The following KCNQ5 variants were observed in gnomAD, a reference collection of about 807,000 sequenced individuals.
KCNQ5 encodes potassium voltage-gated channel subfamily Q member 5.
In KCNQ5, 30 loss-of-function variants were observed where a neutral mutation model predicts 98.2. That is an observed-to-expected ratio of 0.31 (90% CI 0.23 to 0.41). The LOEUF (loss-of-function observed/expected upper bound fraction) is 0.41, where lower values mean the gene tolerates loss of function less well. Ranked by LOEUF, KCNQ5 falls within the 10% of genes least tolerant of loss-of-function variation. The pLI, the probability that KCNQ5 is intolerant of heterozygous loss-of-function variation, is 1.00. For missense variants in KCNQ5, 835 were observed against 1,182.5 expected, an observed-to-expected ratio of 0.71 and a Z score of 4.31; for synonymous variants, 458 against 449.4, an observed-to-expected ratio of 1.02 and a Z score of -0.24.
intron 1 of KCNQ5, among the ~76,000 whole-genome samples, chr6:72,844,096 G>A (rs1016527100): frequency 2.0e-5 from 3 of 152,068 alleles, no homozygotes; most frequent in Non-Finnish European, 2.9e-5. Flanking sequence ...CACGGCACAC[G>A]TATACCTATG....
chr6:73,140,268 G>T (rs1776649623), intron 10 of KCNQ5, among the ~76,000 whole-genome samples: 1 of 152,040 alleles, frequency 6.6e-6, no homozygotes. Context: ...TTTTCCAATG[G>T]CATCTTCCTC....
At chr6:73,163,471 G>A (rs946408658) in intron 10 of KCNQ5, among the ~76,000 whole-genome samples, 1 of 152,102 alleles carries the variant, frequency 6.6e-6, no homozygotes, top group Non-Finnish European at 1.5e-5. Flanking sequence ...AATAGGCCAG[G>A]CATGGTGGCT....
intron 1 of KCNQ5, among the ~76,000 whole-genome samples, chr6:72,720,263 A>G (rs184054414): frequency 1.3e-5 from 2 of 152,362 alleles, no homozygotes; most frequent in East Asian, 1.9e-4. Context: ...TTAACCTGCC[A>G]TGGAATGGAT....
At chr6:72,895,441 A>T (rs1779212441) in intron 1 of KCNQ5, among the ~76,000 whole-genome samples, 1 of 151,950 alleles carries the variant, frequency 6.6e-6, no homozygotes, top group African/African-American at 2.4e-5. Context: ...AAAACATGCC[A>T]TGGAGAACAC....
intron 9 of KCNQ5, among the ~76,000 whole-genome samples, chr6:73,128,274 C>A (rs1288649774): frequency 6.6e-6 from 1 of 152,196 alleles, no homozygotes; most frequent in Non-Finnish European, 1.5e-5. Context: ...TCACTCATTT[C>A]TTTTCCTCTG....
chr6:72,734,173 A>C (rs905811626), intron 1 of KCNQ5, among the ~76,000 whole-genome samples: 3 of 152,254 alleles, frequency 2.0e-5, no homozygotes. Flanking sequence ...TGTAACTTTG[A>C]TTGCAGAGGA....
chr6:72,694,905 C>T (rs1360552083), intron 1 of KCNQ5, among the ~76,000 whole-genome samples: 1 of 151,754 alleles, frequency 6.6e-6, no homozygotes, highest in African/African-American at 2.4e-5. Flanking sequence ...TCTTTATGGC[C>T]ATCAGTACCC....
rs1026407821 is a variant in KCNQ5 at position 72,852,640 on chromosome 6, A to AATAAATATATAT, written c.399-151265_399-151264insAATATATATATA. Reference sequence around the variant, plus strand: ...AGTGGAGAGAAGGAGATGAAGGGGAAATATATATATATATATATATAAATG... The same window carrying AATAAATATATAT: ...AGTGGAGAGAAGGAGATGAAGGGGAAATAAATATATATATATATATATATATATATATAAATG... On this transcript the variant is annotated intron_variant, in intron 1 of 13. Transcript: ENST00000370398. 5.3e-5 allele frequency among the ~76,000 whole-genome samples: 3 copies of AATAAATATATAT among 56,802 alleles called. 1 individual carries two copies. Among genetic ancestry groups the AATAAATATATAT allele is most frequent in the African/African-American group, 2.7e-4 (3 of 11,274 alleles). The allele number at this position is 56,802 out of a possible 152,430, so 37.3% of individuals were successfully genotyped here. A position where few individuals can be genotyped will look rare whatever the true frequency, so the allele number is the denominator to read the frequency against.
At chr6:73,150,832 ATGTG>A (rs35693535) in intron 10 of KCNQ5, among the ~76,000 whole-genome samples, 2 of 148,112 alleles carry the variant, frequency 1.4e-5, no homozygotes, top group Non-Finnish European at 3.0e-5. Flanking sequence ...ATATATATAT[ATGTG>A]TGTGTGTGTG....
chr6:72,649,228 C>T (rs529362172), intron 1 of KCNQ5, among the ~76,000 whole-genome samples: 1 of 152,206 alleles, frequency 6.6e-6, no homozygotes, highest in Non-Finnish European at 1.5e-5. Context: ...AGGTTCTAAA[C>T]AGTTTTGGAT....
chr6:72,924,655 T>C (rs1456258601), intron 1 of KCNQ5, among the ~76,000 whole-genome samples: 1 of 152,158 alleles, frequency 6.6e-6, no homozygotes, highest in Non-Finnish European at 1.5e-5. Context: ...GCAGTATTCT[T>C]CTCTCTCACC....
chr6:73,165,875 G>A (rs1339418486), intron 10 of KCNQ5, among the ~76,000 whole-genome samples: 1 of 151,918 alleles, frequency 6.6e-6, no homozygotes, highest in African/African-American at 2.4e-5. Flanking sequence ...AACCCGGGAG[G>A]CGGAGGTTGC....
In KCNQ5 at chr6:72,976,155, A is replaced by G. The variant is rs534458758; in HGVS notation, c.399-27753A>G. Reference sequence around the variant, plus strand: ...TCTTACTTTAGTTCCCAATAATCATACTTAAATAAATGTACTCCAGAGTTT... The same window carrying G: ...TCTTACTTTAGTTCCCAATAATCATGCTTAAATAAATGTACTCCAGAGTTT... On this transcript the variant is annotated intron_variant, in intron 1 of 13. Transcript: ENST00000370398. Among the ~76,000 whole-genome samples, 14 of 152,304 alleles carry G rather than the reference A, an allele frequency of 9.2e-5. No homozygotes were observed. In the South Asian group the frequency reaches 2.9e-3, roughly 32 times the overall value.
intron 1 of KCNQ5, among the ~76,000 whole-genome samples, chr6:72,972,611 G>A (rs919155452): frequency 6.6e-6 from 1 of 151,650 alleles, no homozygotes; most frequent in Non-Finnish European, 1.5e-5. Context: ...TTCTGTTCCT[G>A]TGTTAGTTTG....
At chr6:72,793,912 G>A (rs977374602) in intron 1 of KCNQ5, among the ~76,000 whole-genome samples, 2 of 152,212 alleles carry the variant, frequency 1.3e-5, no homozygotes. Flanking sequence ...TGCCACACTG[G>A]GAGCTGACTG....
chr6:73,005,087 C>T (rs1381945563), intron 2 of KCNQ5, among the ~76,000 whole-genome samples: 1 of 152,148 alleles, frequency 6.6e-6, no homozygotes, highest in African/African-American at 2.4e-5. Flanking sequence ...ATCAGGGAGA[C>T]CTCATTTTGA....
chr6:72,896,046 A>T (rs1779239575), intron 1 of KCNQ5, among the ~76,000 whole-genome samples: 1 of 152,164 alleles, frequency 6.6e-6, no homozygotes, highest in South Asian at 2.1e-4. Context: ...TAGACAATGG[A>T]TTGAGTTCCA....
chr6:73,055,874 A>C lies in KCNQ5; in HGVS notation c.616+13812A>C, dbSNP rs573883112. ...AAGAAGTGAAGGCCAGCAAACAGGC[A>C]CCCTCCCTGCCCATTGCATCCATCT... On this transcript the variant is annotated intron_variant, in intron 3 of 13. Coordinates refer to ENST00000370398, the MANE Select transcript of KCNQ5 (RefSeq NM_019842.4). The C allele has an allele frequency of 6.7e-5, 42 of 623,386 alleles. No homozygotes were observed. In the Middle Eastern group the frequency reaches 1.9e-3, roughly 28 times the overall value. 38.6% of individuals were successfully genotyped at this position (623,386 alleles called of 1,614,324 possible).
intron 1 of KCNQ5, among the ~76,000 whole-genome samples, chr6:72,922,437 C>T (rs1291485061): frequency 6.6e-6 from 1 of 152,000 alleles, no homozygotes; most frequent in East Asian, 1.9e-4. Flanking sequence ...TTAAAATCTG[C>T]TCTCAGTAAT....
Sources: gnomAD v4.1 joint callset for allele counts (sites outside exome capture counted in the v4.1 genomes callset) on GRCh38, gnomAD v4.1.1 for gene constraint, MANE v1.5 for transcripts, NCBI Gene and HGNC (gene_info 2026-07-23, HGNC 2026-07-21) for gene names.